The following SESTD1 variants were observed in gnomAD, a reference collection of about 807,000 sequenced individuals.
SESTD1 encodes SEC14 domain and spectrin repeat-containing protein 1.
In SESTD1, 43 loss-of-function variants were observed where a neutral mutation model predicts 101.7. The observed-to-expected ratio is 0.42, with a 90% confidence interval of 0.33 to 0.55. SESTD1 has a LOEUF of 0.55. SESTD1 is among the 20% of genes least tolerant of loss of function. The probability of loss-of-function intolerance (pLI) is 0.07; values close to 1 mark genes in which losing one functional copy is unlikely to be tolerated. For synonymous variants in SESTD1, 283 were observed against 286.8 expected (o/e 0.99, Z 0.13); for missense variants, 647 against 815.1 (o/e 0.79, Z 2.51).
intron 1 of SESTD1, among the ~76,000 whole-genome samples, chr2:179,243,081 T>C (rs1574062432): frequency 6.6e-6 from 1 of 152,186 alleles, no homozygotes. Context: ...CCAGAATCTA[T>C]AAGGAACTTA....
At chr2:179,169,247 G>A (rs1268570462) in intron 5 of SESTD1, among the ~76,000 whole-genome samples, 1 of 151,980 alleles carries the variant, frequency 6.6e-6, no homozygotes. Context: ...GTAAAAGAAT[G>A]GAAAAGATAC....
At chr2:179,262,127 T>C (rs1171120831) in intron 1 of SESTD1, among the ~76,000 whole-genome samples, 1 of 152,184 alleles carries the variant, frequency 6.6e-6, no homozygotes, top group African/African-American at 2.4e-5. Context: ...CCACATATTA[T>C]GATTCTATTC....
intron 1 of SESTD1, among the ~76,000 whole-genome samples, chr2:179,254,303 C>A (rs1283736237): frequency 6.6e-6 from 1 of 152,074 alleles, no homozygotes; most frequent in Non-Finnish European, 1.5e-5. Flanking sequence ...TCCATTAAGG[C>A]TTTCTACAAC....
chr2:179,122,782 G>A (rs2044783406), intron 12 of SESTD1, among the ~76,000 whole-genome samples: 1 of 152,136 alleles, frequency 6.6e-6, no homozygotes, highest in Admixed American at 6.5e-5. Flanking sequence ...TGTAATCCCA[G>A]CTACTTAGGA....
At chr2:179,262,860 T>C (rs1282409658) in intron 1 of SESTD1, among the ~76,000 whole-genome samples, 1 of 152,226 alleles carries the variant, frequency 6.6e-6, no homozygotes, top group African/African-American at 2.4e-5. Flanking sequence ...AAAACCCAAG[T>C]AGATGCAACT....
intron 5 of SESTD1, among the ~76,000 whole-genome samples, chr2:179,153,352 A>G (rs954413019): frequency 1.3e-5 from 2 of 152,234 alleles, no homozygotes; most frequent in South Asian, 2.1e-4. Flanking sequence ...GCCATCCCCA[A>G]CAACCTTAAG....
intron 7 of SESTD1, 127 bp downstream of exon 7, chr2:179,149,170 G>A (rs1441707515): frequency 1.5e-5 from 8 of 548,650 alleles, no homozygotes; most frequent in South Asian, 2.1e-5. Context: ...AATATTGTAC[G>A]TCAATTTTGA....
chr2:179,142,393 C>A (rs1395419053), intron 9 of SESTD1, among the ~76,000 whole-genome samples: 1 of 152,068 alleles, frequency 6.6e-6, no homozygotes, highest in Non-Finnish European at 1.5e-5. Flanking sequence ...ATTATTATTC[C>A]TGTTTCAATT....
intron 16 of SESTD1, among the ~76,000 whole-genome samples, chr2:179,113,464 C>T (rs2044556535): frequency 6.6e-6 from 1 of 152,086 alleles, no homozygotes; most frequent in Non-Finnish European, 1.5e-5. Flanking sequence ...AGATACTGTT[C>T]TTCACTCCAC....
At chr2:179,146,724 A>G (rs1466127078) in intron 7 of SESTD1, among the ~76,000 whole-genome samples, 1 of 152,202 alleles carries the variant, frequency 6.6e-6, no homozygotes, top group Non-Finnish European at 1.5e-5. Flanking sequence ...ATATTATTTC[A>G]AATATATCAA....
At chr2:179,191,970 G>A (rs1351196742) in intron 1 of SESTD1, 104 bp from the exon 2 acceptor site, 4 of 752,166 alleles carry the variant, frequency 5.3e-6, no homozygotes, top group Non-Finnish European at 8.9e-6. Context: ...GAGAACTACT[G>A]ACATTTTGAG....
At chr2:179,121,717 TTAAC>T in intron 13 of SESTD1, 49 bp downstream of exon 13, 1 of 1,441,486 alleles carries the variant, frequency 6.9e-7, no homozygotes, top group Non-Finnish European at 9.2e-7. Flanking sequence ...TAACTTCATT[TTAAC>T]TAATATTGTT....
At chr2:179,146,264 C>A in intron 8 of SESTD1, 138 bp downstream of exon 8, 1 of 732,384 alleles carries the variant, frequency 1.4e-6, no homozygotes, top group Middle Eastern at 2.5e-4. Context: ...TCCACAAAAC[C>A]AGTCCCTGGT....
chr2:179,245,149 G>GT (rs1447582436), intron 1 of SESTD1, among the ~76,000 whole-genome samples: 1 of 152,108 alleles, frequency 6.6e-6, no homozygotes, highest in Non-Finnish European at 1.5e-5. Context: ...CCGTCCAGGA[G>GT]TTTGAGACCA....
intron 9 of SESTD1, among the ~76,000 whole-genome samples, chr2:179,142,468 G>A (rs956129984): frequency 2.0e-5 from 3 of 152,156 alleles, no homozygotes; most frequent in Admixed American, 1.3e-4. Flanking sequence ...CAGTTCAAGC[G>A]AGGCTCAGGG....
At chr2:179,241,827 CAGG>C (rs1435377457) in intron 1 of SESTD1, among the ~76,000 whole-genome samples, 5 of 151,114 alleles carry the variant, frequency 3.3e-5, no homozygotes, top group Non-Finnish European at 5.9e-5. Flanking sequence ...GAGGCTGAGG[CAGG>C]AGAATGGCAT....
Position 179,132,343 on chromosome 2 carries a change from G to A in SESTD1, c.933C>T (p.Ala311=), listed in dbSNP as rs775287462. The A allele has an allele frequency of 2.9e-5, 46 of 1,562,954 alleles. No individual in the cohort carries two copies. The Admixed American group carries it at 9.4e-4, about 32-fold the overall frequency. ...CAATCTCTTCGTGTTTCTGCTGTAGGGCCTGGGAGGCCCTAATGGAGTCTC... is the reference window on the plus strand; with the variant it reads ...CAATCTCTTCGTGTTTCTGCTGTAGAGCCTGGGAGGCCCTAATGGAGTCTC... ...GIGDSIRASQ[A]LQQKHEEIES... The change falls in exon 10 of 18, where the codon GCC becomes GCT. Residue 311 remains alanine (A), a synonymous_variant. Coordinates refer to ENST00000428443, the MANE Select transcript of SESTD1 (RefSeq NM_178123.5).
chr2:179,129,511 T>G (rs2154394268), intron 10 of SESTD1, among the ~76,000 whole-genome samples: 1 of 152,268 alleles, frequency 6.6e-6, no homozygotes, highest in East Asian at 1.9e-4. Flanking sequence ...AAATTTGGGG[T>G]TTTTAGCTTT....
intron 1 of SESTD1, among the ~76,000 whole-genome samples, chr2:179,197,769 T>G (rs2046426659): frequency 6.6e-6 from 1 of 152,114 alleles, no homozygotes; most frequent in South Asian, 2.1e-4. Context: ...TGAGAGATTT[T>G]GTCACCACCA....
Sources: gnomAD v4.1 joint callset for allele counts (sites outside exome capture counted in the v4.1 genomes callset) on GRCh38, gnomAD v4.1.1 for gene constraint, MANE v1.5 for transcripts, NCBI Gene and HGNC (gene_info 2026-07-23, HGNC 2026-07-21) for gene names.